ANKRD31: variants seen among roughly 807,000 people sequenced by gnomAD.
The protein encoded by ANKRD31 is ankyrin repeat domain-containing protein 31.
In ANKRD31, 147 loss-of-function variants were observed where a neutral mutation model predicts 186.0. The ratio of observed to expected loss-of-function variants is 0.79; its 90% CI spans 0.69 to 0.91. The LOEUF (loss-of-function observed/expected upper bound fraction) is 0.91, where lower values mean the gene tolerates loss of function less well. ANKRD31 is among the 40% of genes least tolerant of loss of function. ANKRD31 has a pLI of 0.00. For missense variants in ANKRD31, 1,986 were observed against 2,148.8 expected, an observed-to-expected ratio of 0.92 and a Z score of 1.50; for synonymous variants, 673 against 736.4, an observed-to-expected ratio of 0.91 and a Z score of 1.39.
chr5:75,223,890 G>C (rs1187696221), intron 2 of ANKRD31, among the ~76,000 whole-genome samples: 1 of 151,914 alleles, frequency 6.6e-6, no homozygotes, highest in African/African-American at 2.4e-5. Context: ...TGAGCACAAA[G>C]AGGAGGTCAC....
In ANKRD31 at chr5:75,146,908, C is replaced by T. The variant is rs1170835512; in HGVS notation, c.2503G>A (p.Val835Ile). The T allele has an allele frequency of 1.6e-5, 25 of 1,536,330 alleles. No individual in the cohort carries two copies. Among genetic ancestry groups the T allele is most frequent in the East Asian group, 9.8e-5 (4 of 40,880 alleles). ...TGTAATAAAAGCCCTGGGAAAGAAA[C>T]AGCTTCAGTTTGGTCAACAGATTCT... ...ELESVDQTEA[V>I]SFPGLLLHKE... The change falls in exon 14 of 26, where the codon GTT (valine) becomes ATT (isoleucine). Residue 835 changes from valine to isoleucine, a missense_variant. By Grantham distance (29) the Val-to-Ile change is conservative. Coordinates refer to ENST00000506364, the MANE Select transcript of ANKRD31 (RefSeq NM_001372053.1).
intron 6 of ANKRD31, among the ~76,000 whole-genome samples, chr5:75,197,360 G>A (rs75047163): frequency 0.021 from 3,219 of 152,206 alleles, 50 homozygotes; most frequent in South Asian, 0.044. Flanking sequence ...ACCAGAATGG[G>A]TTTCAATGAC....
At chr5:75,094,972 C>A (rs1746202069) in intron 22 of ANKRD31, among the ~76,000 whole-genome samples, 1 of 151,986 alleles carries the variant, frequency 6.6e-6, no homozygotes, top group South Asian at 2.1e-4. Flanking sequence ...AGGCTTGATG[C>A]ATCAGGAAGA....
intron 17 of ANKRD31, among the ~76,000 whole-genome samples, chr5:75,133,655 T>A (rs1031853270): frequency 6.6e-6 from 1 of 152,096 alleles, no homozygotes; most frequent in African/African-American, 2.4e-5. Flanking sequence ...CAGCTCTGCA[T>A]CAAGGGGACC....
At chr5:75,082,198 C>G (rs1326618236) in intron 24 of ANKRD31, among the ~76,000 whole-genome samples, 1 of 152,054 alleles carries the variant, frequency 6.6e-6, no homozygotes, top group Non-Finnish European at 1.5e-5. Flanking sequence ...ATTAATGGAG[C>G]CAGTTTTTAT....
chr5:75,202,402 C>T (rs1304749222), intron 5 of ANKRD31, among the ~76,000 whole-genome samples: 2 of 152,164 alleles, frequency 1.3e-5, no homozygotes, highest in African/African-American at 4.8e-5. Context: ...TTTACAAATA[C>T]ATAAAGAATT....
intron 12 of ANKRD31, 100 bp downstream of exon 12, chr5:75,154,101 C>T: frequency 8.6e-7 from 1 of 1,162,462 alleles, no homozygotes; most frequent in Non-Finnish European, 1.1e-6. Flanking sequence ...ATTTTCTCAA[C>T]ACTCATGAGA....
intron 12 of ANKRD31, among the ~76,000 whole-genome samples, chr5:75,149,534 T>C (rs1751709408): frequency 6.6e-6 from 1 of 151,886 alleles, no homozygotes; most frequent in Non-Finnish European, 1.5e-5. Flanking sequence ...TAATGTCCTT[T>C]TACCAAGCAA....
chr5:75,100,661 C>A (rs369593736), intron 22 of ANKRD31, among the ~76,000 whole-genome samples: 3 of 151,726 alleles, frequency 2.0e-5, no homozygotes, highest in Non-Finnish European at 2.9e-5. Flanking sequence ...TGAATTGATC[C>A]CTTTACCATT....
chr5:75,092,555 A>G (rs1218718071), intron 22 of ANKRD31, among the ~76,000 whole-genome samples: 1 of 152,224 alleles, frequency 6.6e-6, no homozygotes, highest in Non-Finnish European at 1.5e-5. Flanking sequence ...GAAGTTTAGC[A>G]CTGAAGTGGG....
intron 9 of ANKRD31, among the ~76,000 whole-genome samples, chr5:75,190,627 ATT>A (rs919970261): frequency 7.1e-6 from 1 of 141,040 alleles, no homozygotes; most frequent in African/African-American, 2.7e-5. Context: ...GTGTGTGTGT[ATT>A]TTTTTTTCTG....
chr5:75,081,873 T>A (rs1745110358), intron 24 of ANKRD31, among the ~76,000 whole-genome samples: 1 of 152,114 alleles, frequency 6.6e-6, no homozygotes, highest in Admixed American at 6.5e-5. Context: ...AGAAATCAAA[T>A]ACTATTAGTC....
rs1745904686 is a variant in ANKRD31, at chr5:75,091,321, G to A, written c.5412C>T (p.Thr1804=). ...TGCCTCCCAGAAGATCCTTGAGCCA[G>A]GTGACTGGGTTTTTATAAATCTGAC... The part of the protein sequence containing the change: ...ESGQIYKNPV[T]WLKDLLGGNS... Residue 1804 remains threonine, a synonymous_variant, in exon 23 of 26, where the codon ACC becomes ACT. Coordinates refer to ENST00000506364, the MANE Select transcript of ANKRD31 (RefSeq NM_001372053.1). The A allele has an allele frequency of 6.5e-7, 1 of 1,537,116 alleles. No individual in the cohort carries two copies. Among genetic ancestry groups the A allele is most frequent in the East Asian group, 2.4e-5 (1 of 40,904 alleles).
chr5:75,161,430 G>A (rs567498339), intron 11 of ANKRD31, among the ~76,000 whole-genome samples: 10 of 152,336 alleles, frequency 6.6e-5, no homozygotes, highest in Admixed American at 6.5e-4. Flanking sequence ...AAGCATTCAA[G>A]AGGTGACTTG....
At chr5:75,178,000 A>C (rs1386651365) in intron 10 of ANKRD31, among the ~76,000 whole-genome samples, 2 of 152,200 alleles carry the variant, frequency 1.3e-5, no homozygotes, top group Non-Finnish European at 2.9e-5. Context: ...TCTCACGTGC[A>C]GAGACACACA....
chr5:75,166,914 C>A (rs1422807763), intron 11 of ANKRD31, among the ~76,000 whole-genome samples: 1 of 152,128 alleles, frequency 6.6e-6, no homozygotes, highest in African/African-American at 2.4e-5. Flanking sequence ...TATTTATTAA[C>A]AGTTTTATTA....
Position 75,068,481 on chromosome 5 carries a change from T to C in ANKRD31, c.*38A>G. 1 of 1,433,382 alleles carries C rather than the reference T, an allele frequency of 7.0e-7. No homozygotes were observed. Among genetic ancestry groups the C allele is most frequent in the Admixed American group, 2.9e-5 (1 of 33,910 alleles). 88.8% of individuals were successfully genotyped at this position (1,433,382 alleles called of 1,614,324 possible). ...GAAATATAAATGTTTGTTGGTAATT[T>C]GAACAAATATCCAATAAAATATTAA... On this transcript the variant is annotated 3_prime_UTR_variant, in exon 26 of 26. Transcript: ENST00000506364.
At chr5:75,198,994 G>C (rs1416702093) in intron 6 of ANKRD31, among the ~76,000 whole-genome samples, 1 of 152,134 alleles carries the variant, frequency 6.6e-6, no homozygotes, top group African/African-American at 2.4e-5. Context: ...GATAAAGTAA[G>C]CTACAGGGAC....
intron 15 of ANKRD31, among the ~76,000 whole-genome samples, chr5:75,140,380 A>G (rs1185225011): frequency 6.6e-6 from 1 of 152,078 alleles, no homozygotes; most frequent in Non-Finnish European, 1.5e-5. Context: ...CTGAGATGCA[A>G]AGCAAAATAA....
Sources: gnomAD v4.1 joint callset for allele counts (sites outside exome capture counted in the v4.1 genomes callset) on GRCh38, gnomAD v4.1.1 for gene constraint, MANE v1.5 for transcripts, NCBI Gene and HGNC (gene_info 2026-07-23, HGNC 2026-07-21) for gene names.